The following PARD3 variants were observed in gnomAD, a reference collection of about 807,000 sequenced individuals.
PARD3 encodes partitioning defective 3 homolog.
A neutral mutation model predicts 155.4 loss-of-function variants in PARD3; 75 were observed. The observed-to-expected ratio is 0.48, with a 90% CI of 0.40 to 0.58. The LOEUF (loss-of-function observed/expected upper bound fraction) is 0.58. PARD3 is among the 20% of genes least tolerant of loss of function. The pLI, the probability that PARD3 is intolerant of heterozygous loss-of-function variation, is 0.00. For missense variants in PARD3, 1,642 were observed against 1,721.7 expected, an observed-to-expected ratio of 0.95 and a Z score of 0.82; for synonymous variants, 576 against 610.5, an observed-to-expected ratio of 0.94 and a Z score of 0.83.
In PARD3 at chr10:34,343,910, C is replaced by G. The variant is rs1589243877; in HGVS notation, c.2219-2094G>C. 5.1e-6 allele frequency: 5 copies of G among 982,532 alleles called. No individual in the cohort carries two copies. In the South Asian group the frequency reaches 2.4e-4, roughly 46 times the overall value. 60.9% of individuals were successfully genotyped at this position (982,532 alleles called of 1,614,324 possible). A position where few individuals can be genotyped will look rare whatever the true frequency, so the allele number is the denominator to read the frequency against. ...AAACATTTATTCATTGGCAAATTTA[C>G]ATAGAAGGTAACACCACACATGATA... On this transcript the variant is annotated intron_variant, in intron 15 of 24. Transcript: ENST00000374788.
intron 2 of PARD3, among the ~76,000 whole-genome samples, chr10:34,689,847 G>A (rs905547557): frequency 6.6e-6 from 1 of 152,178 alleles, no homozygotes; most frequent in East Asian, 1.9e-4. Context: ...CAAAACAAGA[G>A]TGCATGACTT....
At chr10:34,572,316 G>A (rs2086479275) in intron 2 of PARD3, among the ~76,000 whole-genome samples, 3 of 151,940 alleles carry the variant, frequency 2.0e-5, no homozygotes, top group Admixed American at 1.3e-4. Flanking sequence ...AGACCAGTAT[G>A]GGCAACACAG....
intron 20 of PARD3, among the ~76,000 whole-genome samples, chr10:34,299,280 G>A (rs1957046364): frequency 6.6e-6 from 1 of 152,208 alleles, no homozygotes; most frequent in Non-Finnish European, 1.5e-5. Flanking sequence ...GACAAAGACT[G>A]TCAGTACTGA....
At chr10:34,708,277 A>C (rs1324767230) in intron 1 of PARD3, among the ~76,000 whole-genome samples, 1 of 152,106 alleles carries the variant, frequency 6.6e-6, no homozygotes, top group Admixed American at 6.6e-5. Context: ...GAAAAAAAAA[A>C]AAAAGTCCAC....
chr10:34,594,160 T>C (rs1470517277), intron 2 of PARD3, among the ~76,000 whole-genome samples: 1 of 152,194 alleles, frequency 6.6e-6, no homozygotes, highest in Admixed American at 6.5e-5. Flanking sequence ...TCATATGCCC[T>C]GAGGACAATA....
chr10:34,520,413 G>C (rs2082072999), intron 2 of PARD3, among the ~76,000 whole-genome samples: 1 of 151,956 alleles, frequency 6.6e-6, no homozygotes, highest in African/African-American at 2.4e-5. Flanking sequence ...ACATAAATCA[G>C]AAAAGAAGTC....
chr10:34,303,040 A>C (rs1054288045), intron 20 of PARD3, among the ~76,000 whole-genome samples: 8 of 144,446 alleles, frequency 5.5e-5, no homozygotes, highest in African/African-American at 1.9e-4. Flanking sequence ...AATTACTAAA[A>C]TCATCACACC....
At chr10:34,551,496 C>T (rs2084557277) in intron 2 of PARD3, among the ~76,000 whole-genome samples, 1 of 152,226 alleles carries the variant, frequency 6.6e-6, no homozygotes, top group South Asian at 2.1e-4. Context: ...ACTGACCCCA[C>T]CTTTGATTCC....
chr10:34,156,605 G>A (rs563522343), intron 22 of PARD3, among the ~76,000 whole-genome samples: 5 of 152,124 alleles, frequency 3.3e-5, no homozygotes, highest in Non-Finnish European at 7.4e-5. Context: ...AAGAAAACTC[G>A]GAAGCGATGA....
At chr10:34,610,310 C>T (rs1476256924) in intron 2 of PARD3, among the ~76,000 whole-genome samples, 1 of 151,986 alleles carries the variant, frequency 6.6e-6, no homozygotes, top group African/African-American at 2.4e-5. Context: ...AGGAGGCCAC[C>T]GATACAGCTA....
intron 1 of PARD3, among the ~76,000 whole-genome samples, chr10:34,715,084 T>C (rs536072450): frequency 1.3e-5 from 2 of 151,358 alleles, no homozygotes; most frequent in South Asian, 4.2e-4. Flanking sequence ...ACCTTTTTTT[T>C]TTTTTTTTTA....
intron 20 of PARD3, among the ~76,000 whole-genome samples, chr10:34,289,436 C>T (rs568146000): frequency 6.6e-5 from 10 of 152,158 alleles, no homozygotes; most frequent in East Asian, 5.8e-4. Flanking sequence ...GGGATCCACC[C>T]GCACCAGATT....
chr10:34,715,861 C>A (rs1363662093), intron 1 of PARD3, among the ~76,000 whole-genome samples: 3 of 152,220 alleles, frequency 2.0e-5, no homozygotes, highest in Non-Finnish European at 2.9e-5. Flanking sequence ...AGCCCTCACA[C>A]CACAAAACAT....
At chr10:34,311,610 T>C (rs561987264) in intron 20 of PARD3, among the ~76,000 whole-genome samples, 1 of 152,188 alleles carries the variant, frequency 6.6e-6, no homozygotes, top group South Asian at 2.1e-4. Flanking sequence ...TATGAAAGAG[T>C]GTGTGCTCTC....
chr10:34,534,048 T>G lies in PARD3; in HGVS notation c.223-16889A>C, dbSNP rs561227503. Among the ~76,000 whole-genome samples, 5 of 152,162 alleles carry G rather than the reference T, an allele frequency of 3.3e-5. No homozygotes were observed. The South Asian group carries it at 1.0e-3, about 32-fold the overall frequency. On this transcript the variant is annotated intron_variant, in intron 2 of 24. Coordinates refer to ENST00000374788, the MANE Select transcript of PARD3 (RefSeq NM_001184785.2). ...TCCACATAGCCAACGGGTTAACTTT[T>G]GGAGGCAGGTCTACTTGTAAGGCAA...
intron 1 of PARD3, among the ~76,000 whole-genome samples, chr10:34,782,565 T>C: frequency 6.6e-6 from 1 of 152,188 alleles, no homozygotes; most frequent in South Asian, 2.1e-4. Context: ...TTTTGGCTGA[T>C]CGAAAGACTT....
chr10:34,805,314 G>A (rs895486128), intron 1 of PARD3, among the ~76,000 whole-genome samples: 2 of 152,120 alleles, frequency 1.3e-5, no homozygotes, highest in Non-Finnish European at 2.9e-5. Context: ...CCGAGACTCT[G>A]CCACTGCACT....
intron 3 of PARD3, among the ~76,000 whole-genome samples, chr10:34,496,757 A>T (rs773989): frequency 6.6e-6 from 1 of 152,000 alleles, no homozygotes; most frequent in Non-Finnish European, 1.5e-5. Flanking sequence ...ATCAAATGTA[A>T]GGTGTGGATT....
chr10:34,634,096 C>T (rs1405628081), intron 2 of PARD3, among the ~76,000 whole-genome samples: 1 of 152,110 alleles, frequency 6.6e-6, no homozygotes, highest in African/African-American at 2.4e-5. Flanking sequence ...ATAGATGACA[C>T]TAGAAGATGA....
Sources: allele counts gnomAD v4.1 joint callset (sites outside exome capture counted in the v4.1 genomes callset), GRCh38; gene constraint gnomAD v4.1.1; transcripts MANE v1.5; gene names NCBI Gene and HGNC (gene_info 2026-07-23, HGNC 2026-07-21).